The following NEBL variants were observed in gnomAD, a reference collection of about 807,000 sequenced individuals.
NEBL encodes the protein nebulette.
Under a neutral mutation model 140.2 loss-of-function variants are expected in NEBL, and 122 were observed. The ratio of observed to expected loss-of-function variants is 0.87; its 90% CI spans 0.75 to 1.01. NEBL has a LOEUF of 1.01. Ranked by LOEUF, NEBL falls within the 50% of genes least tolerant of loss-of-function variation. The pLI is 0.00. For missense variants in NEBL, 1,365 were observed against 1,231.3 expected, an observed-to-expected ratio of 1.11 and a Z score of -1.62; for synonymous variants, 436 against 398.9, an observed-to-expected ratio of 1.09 and a Z score of -1.11.
chr10:20,815,854 G>C, intron 21 of NEBL, 137 bp from the exon 22 acceptor site: 2 of 696,060 alleles, frequency 2.9e-6, no homozygotes, highest in South Asian at 1.6e-5. Context: ...CCACAGCCTC[G>C]ATCTCCCAGG....
rs1211897190 is a variant in NEBL at position 21,169,065 on chromosome 10, AAAATATATATATAT to A, written c.164+3304_164+3317del. Among the ~76,000 whole-genome samples, 110 of 28,570 alleles carry A rather than the reference AAAATATATATATAT, an allele frequency of 3.9e-3. 7 individuals carry two copies. In the South Asian group the frequency reaches 0.072, roughly 19 times the overall value. The allele number at this position is 28,570 out of a possible 152,430, so 18.7% of individuals were successfully genotyped here. A position where few individuals can be genotyped will look rare whatever the true frequency, so the allele number is the denominator to read the frequency against. ...CTCCGTCTACAAAAAAAAAAAAAAA[AAAATATATATATAT>A]ATATATATATATATATATATATATA... On this transcript the variant is annotated intron_variant, in intron 2 of 6. Coordinates refer to the NEBL transcript ENST00000417816.
intron 24 of NEBL, among the ~76,000 whole-genome samples, chr10:20,810,348 T>A (rs531056277): frequency 6.6e-6 from 1 of 151,896 alleles, no homozygotes; most frequent in Non-Finnish European, 1.5e-5. Context: ...GAGAAGTTTA[T>A]GTTTAAAAAA....
intron 1 of NEBL, among the ~76,000 whole-genome samples, chr10:21,261,203 A>G (rs1842736167): frequency 6.6e-6 from 1 of 152,214 alleles, no homozygotes; most frequent in African/African-American, 2.4e-5. Flanking sequence ...ACATCAAGGC[A>G]GTGGGAGCCA....
chr10:20,961,599 G>A, intron 4 of NEBL: 1 of 1,130,850 alleles, frequency 8.8e-7, no homozygotes, highest in Non-Finnish European at 1.3e-6. Flanking sequence ...ACACTTCCAA[G>A]TCATCCAGCC....
intron 2 of NEBL, among the ~76,000 whole-genome samples, chr10:21,147,710 C>T (rs1839962068): frequency 6.6e-6 from 1 of 152,196 alleles, no homozygotes; most frequent in African/African-American, 2.4e-5. Flanking sequence ...ACCAAGCGAG[C>T]ACCTGTCCAG....
At chr10:21,209,942 A>G (rs1841890580) in intron 3 of NEBL, among the ~76,000 whole-genome samples, 1 of 152,110 alleles carries the variant, frequency 6.6e-6, no homozygotes, top group African/African-American at 2.4e-5. Context: ...AACCAAGACC[A>G]AAAAGAGGAT....
At chr10:21,202,564 G>C (rs913718265) in intron 3 of NEBL, among the ~76,000 whole-genome samples, 4 of 146,738 alleles carry the variant, frequency 2.7e-5, no homozygotes, top group Admixed American at 2.1e-4. Context: ...CGCTGTTGAC[G>C]CCATTCTCCT....
chr10:21,064,204 A>G (rs955837348), intron 2 of NEBL, among the ~76,000 whole-genome samples: 1 of 141,592 alleles, frequency 7.1e-6, no homozygotes, highest in Non-Finnish European at 1.6e-5. Context: ...ATACTTAAAT[A>G]TAGAGTTAAC....
intron 4 of NEBL, among the ~76,000 whole-genome samples, chr10:20,949,380 G>A (rs995909949): frequency 6.6e-6 from 1 of 152,106 alleles, no homozygotes; most frequent in African/African-American, 2.4e-5. Context: ...GGATTGATAG[G>A]TACAGCAAAC....
intron 2 of NEBL, among the ~76,000 whole-genome samples, chr10:21,076,646 G>A (rs1836107710): frequency 6.6e-6 from 1 of 152,032 alleles, no homozygotes; most frequent in Admixed American, 6.6e-5. Context: ...AAAACAGAAT[G>A]TGATATACAC....
intron 1 of NEBL, among the ~76,000 whole-genome samples, chr10:21,268,698 A>G (rs61851515): frequency 2.4e-4 from 37 of 151,602 alleles, no homozygotes; most frequent in Non-Finnish European, 5.0e-4. Flanking sequence ...TAAATTCTGT[A>G]TTTTTCAATA....
chr10:21,091,475 C>G (rs1003445858), intron 2 of NEBL, among the ~76,000 whole-genome samples: 1 of 152,084 alleles, frequency 6.6e-6, no homozygotes, highest in African/African-American at 2.4e-5. Flanking sequence ...ACAAAATACA[C>G]TGTTAACACA....
chr10:20,928,628 C>A (rs1334463926), intron 4 of NEBL, among the ~76,000 whole-genome samples: 1 of 152,188 alleles, frequency 6.6e-6, no homozygotes, highest in African/African-American at 2.4e-5. Context: ...TTTCTGCTTT[C>A]CCTTCTGATC....
chr10:21,139,562 A>C (rs1839516461), intron 2 of NEBL, among the ~76,000 whole-genome samples: 1 of 152,182 alleles, frequency 6.6e-6, no homozygotes, highest in South Asian at 2.1e-4. Context: ...TTGTCATAGC[A>C]ATGATGAAAT....
chr10:21,248,785 C>A (rs1031880642), intron 2 of NEBL, among the ~76,000 whole-genome samples: 1 of 151,908 alleles, frequency 6.6e-6, no homozygotes. Flanking sequence ...TTTGCACCAG[C>A]AATGCACAAG....
chr10:20,900,540 T>C (rs1476575857), upstream of NEBL, among the ~76,000 whole-genome samples: 1 of 151,166 alleles, frequency 6.6e-6, no homozygotes, highest in Non-Finnish European at 1.5e-5. Flanking sequence ...TAGCCGGGCA[T>C]GGGCTGGGTG....
intron 3 of NEBL, among the ~76,000 whole-genome samples, chr10:20,974,502 A>G (rs1460421413): frequency 6.6e-6 from 1 of 152,082 alleles, no homozygotes; most frequent in African/African-American, 2.4e-5. Context: ...GTCCACCTCA[A>G]CCTCACAAAG....
Position 21,182,155 on chromosome 10 carries a change from C to CT in NEBL, n.349-9679dup, listed in dbSNP as rs869244141. ...ACCACGGACAGGATATGGCTGCTGGCTTTTTTTTTTTTTCCTTTTAAAAAT... is the reference window on the plus strand; with the variant it reads ...ACCACGGACAGGATATGGCTGCTGGCTTTTTTTTTTTTTTCCTTTTAAAAAT... On this transcript the variant is annotated intron_variant and non_coding_transcript_variant, in intron 3 of 8. Transcript: ENST00000675702. Among the ~76,000 whole-genome samples the CT allele has an allele frequency of 2.6e-3, 365 of 142,826 alleles. 1 individual carries two copies. Among genetic ancestry groups the CT allele is most frequent in the African/African-American group, 4.6e-3 (181 of 39,186 alleles). The allele number at this position is 142,826 out of a possible 152,430, so 93.7% of individuals were successfully genotyped here. A position where few individuals can be genotyped will look rare whatever the true frequency, so the allele number is the denominator to read the frequency against.
intron 3 of NEBL, among the ~76,000 whole-genome samples, chr10:21,232,772 CAA>C (rs970081300): frequency 5.3e-5 from 8 of 152,142 alleles, no homozygotes; most frequent in African/African-American, 1.9e-4. Context: ...GGGTTTTGAG[CAA>C]AAGAGTGACA....
Sources: allele counts gnomAD v4.1 joint callset (sites outside exome capture counted in the v4.1 genomes callset), GRCh38; gene constraint gnomAD v4.1.1; transcripts MANE v1.5; gene names NCBI Gene and HGNC (gene_info 2026-07-23, HGNC 2026-07-21).